ZNF423: variants seen among roughly 807,000 people sequenced by gnomAD.
The protein encoded by ZNF423 is zinc finger protein 423, also known as Ebf-associated zinc finger protein.
Under a neutral mutation model 95.8 loss-of-function variants are expected in ZNF423, and 12 were observed. The ratio of observed to expected loss-of-function variants is 0.13; its 90% CI spans 0.08 to 0.20. ZNF423 has a LOEUF of 0.20. Among genes scored for constraint, ZNF423 ranks in the 10% least tolerant of loss-of-function variants. ZNF423 has a pLI of 1.00. For missense variants in ZNF423, 1,316 were observed against 1,737.1 expected, an observed-to-expected ratio of 0.76 and a Z score of 4.31; for synonymous variants, 749 against 711.9, an observed-to-expected ratio of 1.05 and a Z score of -0.83.
intron 2 of ZNF423, among the ~76,000 whole-genome samples, chr16:49,735,516 C>T (rs113507586): frequency 9.1e-4 from 138 of 152,312 alleles, no homozygotes; most frequent in African/African-American, 3.2e-3. Context: ...CTCATCATAA[C>T]GAGGGACCGA....
chr16:49,565,851 A>C (rs1970170330), intron 5 of ZNF423, among the ~76,000 whole-genome samples: 1 of 151,934 alleles, frequency 6.6e-6, no homozygotes, highest in Non-Finnish European at 1.5e-5. Context: ...AATAAAATGG[A>C]AAAGATAAGG....
upstream of ZNF423, among the ~76,000 whole-genome samples, chr16:49,857,028 G>T (rs1311316829): frequency 4.0e-5 from 6 of 149,986 alleles, no homozygotes; most frequent in East Asian, 9.8e-4. This position sits in a 1 kb window ranked among gnomAD's most constrained non-coding sequence, Gnocchi z 6.2. Context: ...AGCCTCCCTC[G>T]CGCTCCTGTC....
intron 4 of ZNF423, among the ~76,000 whole-genome samples, chr16:49,629,848 T>C (rs1448983967): frequency 6.6e-6 from 1 of 152,220 alleles, no homozygotes; most frequent in East Asian, 1.9e-4. Flanking sequence ...CACACCACCC[T>C]AGCGCAGGCC....
rs576773626 is a variant in ZNF423 at position 49,500,326 on chromosome 16, A to C, written c.3850-9022T>G. On this transcript the variant is annotated intron_variant, in intron 7 of 7. Coordinates refer to ENST00000563137, the MANE Select transcript of ZNF423 (RefSeq NM_001379286.1). Reference sequence around the variant, plus strand: ...TAGCAACAGTGTGCCAGGTGACCACAAGTTCACTTCTGTGGCCTTTGGCCC... The same window carrying C: ...TAGCAACAGTGTGCCAGGTGACCACCAGTTCACTTCTGTGGCCTTTGGCCC... 2.6e-5 allele frequency among the ~76,000 whole-genome samples: 4 copies of C among 152,276 alleles called. No individual in the cohort carries two copies. The East Asian group carries it at 7.7e-4, about 29-fold the overall frequency.
At chr16:49,763,412 C>T (rs2033868286) in intron 2 of ZNF423, among the ~76,000 whole-genome samples, 1 of 152,092 alleles carries the variant, frequency 6.6e-6, no homozygotes, top group Admixed American at 6.6e-5. Context: ...CCGACTGGGA[C>T]TACAGGTACA....
intron 2 of ZNF423, among the ~76,000 whole-genome samples, chr16:49,731,765 G>A (rs1435077282): frequency 2.0e-5 from 3 of 152,100 alleles, no homozygotes; most frequent in South Asian, 2.1e-4. Context: ...AACTATGATC[G>A]TGCCACTGTA....
chr16:49,677,794 A>G (rs575600814), intron 3 of ZNF423, among the ~76,000 whole-genome samples: 104 of 152,048 alleles, frequency 6.8e-4, no homozygotes, highest in African/African-American at 2.3e-3. Flanking sequence ...GAGAATGATT[A>G]GAAATGCAGA....
intron 3 of ZNF423, among the ~76,000 whole-genome samples, chr16:49,725,120 T>C (rs952693870): frequency 2.6e-5 from 4 of 152,036 alleles, no homozygotes; most frequent in Non-Finnish European, 5.9e-5. Flanking sequence ...GGACGAATGG[T>C]AGAAAATAGT....
Position 49,638,985 on chromosome 16 carries a change from C to A in ZNF423, c.302-111G>T, listed in dbSNP as rs564497927. ...GGGCTGAGGCTGTGCAGCTGGCCAA[C>A]GGCTGCAGGGGGCTGTGGGGAGGGG... is the stretch of plus-strand genomic sequence containing the variant. On this transcript the variant is annotated intron_variant, in intron 3 of 7. Transcript: ENST00000563137. The surrounding 1 kb of genome is among the most constrained non-coding windows in gnomAD (Gnocchi z 5.6). 22 of 1,450,530 alleles carry A rather than the reference C, an allele frequency of 1.5e-5. No homozygotes were observed. In the South Asian group the frequency reaches 2.8e-4, roughly 18 times the overall value. The allele number at this position is 1,450,530 out of a possible 1,614,324, so 89.9% of individuals were successfully genotyped here. A position where few individuals can be genotyped will look rare whatever the true frequency, so the allele number is the denominator to read the frequency against.
chr16:49,525,103 G>A (rs1968550138), intron 6 of ZNF423, among the ~76,000 whole-genome samples: 1 of 152,210 alleles, frequency 6.6e-6, no homozygotes, highest in African/African-American at 2.4e-5. Context: ...GCTCCTGTGT[G>A]CAGAGGGCGA....
chr16:49,858,173 G>A (rs1256994497), upstream of ZNF423, among the ~76,000 whole-genome samples: 1 of 151,868 alleles, frequency 6.6e-6, no homozygotes, highest in Non-Finnish European at 1.5e-5. The surrounding 1 kb of genome is among the most constrained non-coding windows in gnomAD (Gnocchi z 4.3). Context: ...TCGGAGACGA[G>A]TTACCCAGGG....
intron 3 of ZNF423, among the ~76,000 whole-genome samples, chr16:49,700,430 A>G (rs1304082593): frequency 6.6e-6 from 1 of 152,140 alleles, no homozygotes; most frequent in African/African-American, 2.4e-5. Flanking sequence ...CTCATGGCCC[A>G]CAGCCCCACC....
chr16:49,618,529 T>C (rs1230815668), intron 5 of ZNF423, among the ~76,000 whole-genome samples: 2 of 152,172 alleles, frequency 1.3e-5, no homozygotes, highest in Non-Finnish European at 2.9e-5. Context: ...CCCCCTTTGC[T>C]TTCTTCTCTC....
chr16:49,611,083 A>C (rs1284503195), intron 5 of ZNF423, among the ~76,000 whole-genome samples: 5 of 152,070 alleles, frequency 3.3e-5, no homozygotes, highest in Admixed American at 3.3e-4. Flanking sequence ...CCTTTCTCTC[A>C]ATGACTGATA....
intron 5 of ZNF423, among the ~76,000 whole-genome samples, chr16:49,557,433 CGGGG>C (rs1567466188): frequency 3.9e-5 from 6 of 152,180 alleles, no homozygotes; most frequent in Admixed American, 1.3e-4. Context: ...GAGGAACTCC[CGGGG>C]CCACCAGGGC....
chr16:49,570,022 C>G (rs531732674), intron 5 of ZNF423, among the ~76,000 whole-genome samples: 1 of 152,214 alleles, frequency 6.6e-6, no homozygotes, highest in African/African-American at 2.4e-5. Context: ...TTCTGACCCT[C>G]CTCACCTATG....
intron 3 of ZNF423, among the ~76,000 whole-genome samples, chr16:49,713,108 G>C (rs1279565240): frequency 6.6e-6 from 1 of 152,208 alleles, no homozygotes; most frequent in African/African-American, 2.4e-5. Flanking sequence ...ATCATCTGTG[G>C]CCTTACAGAG....
intron 3 of ZNF423, among the ~76,000 whole-genome samples, chr16:49,672,342 G>T (rs948023081): frequency 1.8e-4 from 27 of 152,334 alleles, no homozygotes; most frequent in African/African-American, 6.3e-4. Flanking sequence ...ACCCTGTGGG[G>T]TAGGTACTAT....
At position 49,638,412 on chromosome 16, in the gene ZNF423, T is replaced by C. The variant is rs2151887184; in HGVS notation, c.764A>G (p.Asn255Ser). The change falls in exon 4 of 8, where the codon AAC becomes AGC. Residue 255 changes from asparagine to serine, a missense_variant. Asn to Ser is a conservative substitution (Grantham distance 46). This residue lies in a region of ZNF423 where 399 missense variants were observed against 478.5 expected (regional missense o/e 0.83). Transcript: ENST00000563137. The surrounding 1 kb of genome is among the most constrained non-coding windows in gnomAD (Gnocchi z 5.6). ...CTCCGACTTGGCCAGATGCTCCTTG[T>C]TCTTTTTGTGGGCCTGCATGTGGCT... is the stretch of plus-strand genomic sequence containing the variant. The part of the protein sequence containing the change: ...LQSHMQAHKK[N>S]KEHLAKSEKE... 6.2e-7 allele frequency: 1 copy of C among 1,613,990 alleles called. No individual in the cohort carries two copies. Among genetic ancestry groups the C allele is most frequent in the East Asian group, 2.2e-5 (1 of 44,878 alleles).
Sources: gnomAD v4.1 joint callset for allele counts (sites outside exome capture counted in the v4.1 genomes callset) on GRCh38, gnomAD v4.1.1 for gene constraint, gnomAD v4.1.1 regional missense constraint, Gnocchi (gnomAD v3.1) non-coding constraint, MANE v1.5 for transcripts, NCBI Gene and HGNC (gene_info 2026-07-23, HGNC 2026-07-21) for gene names.